SPART: variants seen among roughly 807,000 people sequenced by gnomAD.
SPART encodes the protein spartin.
SPART carries 35 observed loss-of-function variants against 58.7 expected under a neutral mutation model. The observed-to-expected ratio is 0.60, with a 90% CI of 0.46 to 0.79. SPART has a LOEUF of 0.79. Ranked by LOEUF, SPART falls within the 30% of genes least tolerant of loss-of-function variation. The pLI is 0.00. For missense variants in SPART, 730 were observed against 786.1 expected, an observed-to-expected ratio of 0.93 and a Z score of 0.85; for synonymous variants, 284 against 280.7, an observed-to-expected ratio of 1.01 and a Z score of -0.12.
intron 1 of SPART, among the ~76,000 whole-genome samples, chr13:36,342,682 G>A (rs1162238051): frequency 1.3e-5 from 2 of 152,020 alleles, no homozygotes; most frequent in African/African-American, 2.4e-5. Context: ...CAGCAAAATC[G>A]TCCCCCACTG....
At chr13:36,327,894 TGA>T (rs1396894057) in intron 4 of SPART, among the ~76,000 whole-genome samples, 1 of 152,150 alleles carries the variant, frequency 6.6e-6, no homozygotes, top group Non-Finnish European at 1.5e-5. Context: ...CTCGGGAGGT[TGA>T]GACACGAGAA....
rs117440276 is a variant in SPART, at chr13:36,366,792, C to T, written c.-3+3297G>A. ...AAAACCACCCTACGTGTATCTGTGT[C>T]GTTTTATTTAAACCGGCATGAGGAC... On this transcript the variant is annotated intron_variant, in intron 1 of 8. Transcript: ENST00000355182. Among the ~76,000 whole-genome samples the T allele has an allele frequency of 0.028, 2,189 of 78,666 alleles. 52 individuals carry two copies. The East Asian group carries it at 0.31, about 11-fold the overall frequency. The allele number at this position is 78,666 out of a possible 152,430, so 51.6% of individuals were successfully genotyped here. A position where few individuals can be genotyped will look rare whatever the true frequency, so the allele number is the denominator to read the frequency against.
intron 5 of SPART, among the ~76,000 whole-genome samples, chr13:36,322,401 A>T (rs972187100): frequency 6.6e-6 from 1 of 152,116 alleles, no homozygotes; most frequent in African/African-American, 2.4e-5. Flanking sequence ...GAGCTGAGAT[A>T]GCGTCACTGC....
At chr13:36,307,234 T>TA (rs1372009841) in intron 8 of SPART, among the ~76,000 whole-genome samples, 2 of 152,020 alleles carry the variant, frequency 1.3e-5, no homozygotes, top group African/African-American at 4.8e-5. Flanking sequence ...TGAAAAATAA[T>TA]AAAAAATGAA....
At chr13:36,319,022 G>T (rs901472867) in intron 5 of SPART, among the ~76,000 whole-genome samples, 1 of 151,782 alleles carries the variant, frequency 6.6e-6, no homozygotes, top group Admixed American at 6.6e-5. Context: ...TAATCAATAC[G>T]GAGGCTACCC....
rs185082548 is a variant in SPART, at chr13:36,318,404, C to T, written c.1289-3983G>A. Among the ~76,000 whole-genome samples the T allele has an allele frequency of 9.5e-3, 1,449 of 152,292 alleles. 9 individuals are homozygous for T. The highest frequency in any genetic ancestry group is 0.016 in the Non-Finnish European group (1,121 of 68,022). The stretch of plus-strand genomic sequence containing the variant: ...GCCCAGTTCATGACTTGTTTGGCAA[C>T]AACCCTGAGACACTTTACAGCCCTA... On this transcript the variant is annotated intron_variant, in intron 5 of 8. Transcript: ENST00000438666.
intron 1 of SPART, among the ~76,000 whole-genome samples, chr13:36,369,057 A>G (rs1273482762): frequency 1.3e-5 from 2 of 152,194 alleles, no homozygotes; most frequent in Non-Finnish European, 2.9e-5. Context: ...AAATAATGCT[A>G]TTTTTCTCAA....
chr13:36,314,502 A>G (rs535981386), intron 5 of SPART, 81 bp from the exon 6 acceptor site: 1,149 of 1,361,744 alleles, frequency 8.4e-4, no homozygotes, highest in Non-Finnish European at 1.1e-3. Context: ...CATCAACCAG[A>G]AAAAAATAAA....
In SPART at chr13:36,301,926, T is replaced by C. The variant is rs1253719163; in HGVS notation, c.*2439A>G. On this transcript the variant is annotated 3_prime_UTR_variant, in exon 9 of 9. Coordinates refer to ENST00000438666, the MANE Select transcript of SPART (RefSeq NM_015087.5). ...TGTGGTATACTCACACAGAATACTA[T>C]AGAGCAAGTAAACCATCCATGCATA... 4 of 152,130 alleles carry C rather than the reference T, an allele frequency of 2.6e-5. No homozygotes were observed. Among genetic ancestry groups the C allele is most frequent in the East Asian group, 3.9e-4 (2 of 5,192 alleles). The allele number at this position is 152,130 out of a possible 1,614,324, so 9.4% of individuals were successfully genotyped here.
At position 36,302,194 on chromosome 13, in the gene SPART, A is replaced by G. The variant is rs1880052651; in HGVS notation, c.*2171T>C. On this transcript the variant is annotated 3_prime_UTR_variant, in exon 9 of 9. Coordinates refer to ENST00000438666, the MANE Select transcript of SPART (RefSeq NM_015087.5). The stretch of plus-strand genomic sequence containing the variant: ...TGTCTTTAGGTGTGATGAGTTTTTA[A>G]GTGTTGTTATTCATCATACCTTACA... 1.3e-5 allele frequency: 2 copies of G among 152,202 alleles called. No individual in the cohort carries two copies. The allele number at this position is 152,202 out of a possible 1,614,324, so 9.4% of individuals were successfully genotyped here.
At chr13:36,318,608 C>T (rs1881998293) in intron 5 of SPART, among the ~76,000 whole-genome samples, 1 of 152,202 alleles carries the variant, frequency 6.6e-6, no homozygotes, top group African/African-American at 2.4e-5. Context: ...TCCTTGCCTC[C>T]ACTGTGAGAC....
At chr13:36,313,895 C>A in intron 6 of SPART, 1 of 322,962 alleles carries the variant, frequency 3.1e-6, no homozygotes, top group South Asian at 3.6e-5. Context: ...AAGATACACA[C>A]ATTCTCCTCT....
At chr13:36,362,566 A>G (rs1368741272) in intron 1 of SPART, among the ~76,000 whole-genome samples, 1 of 152,124 alleles carries the variant, frequency 6.6e-6, no homozygotes, top group Admixed American at 6.5e-5. Context: ...TGCTCTCAGG[A>G]TGCAGAATCC....
At chr13:36,353,373 C>T (rs2137697423) in intron 1 of SPART, among the ~76,000 whole-genome samples, 1 of 152,304 alleles carries the variant, frequency 6.6e-6, no homozygotes, top group Admixed American at 6.5e-5. Context: ...ATTAGATTTT[C>T]TATGAGAGGT....
At position 36,324,796 on chromosome 13, in the gene SPART, A is replaced by C. The variant is rs536024082; in HGVS notation, c.1288+1779T>G. ...GAAAAGAGAGTCAGCGAAGGGAGAT[A>C]AGGGTGGGGCCGTTTTATAGGATTT... On this transcript the variant is annotated intron_variant, in intron 5 of 8. Coordinates refer to ENST00000438666, the MANE Select transcript of SPART (RefSeq NM_015087.5). 2.6e-5 allele frequency among the ~76,000 whole-genome samples: 4 copies of C among 152,188 alleles called. No homozygotes were observed. The South Asian group carries it at 6.2e-4, about 24-fold the overall frequency.
At position 36,312,339 on chromosome 13, in the gene SPART, A is replaced by G. The variant is rs1881213459; in HGVS notation, c.1622T>C (p.Val541Ala). The G allele has an allele frequency of 1.2e-6, 2 of 1,614,012 alleles. No individual in the cohort carries two copies. Among genetic ancestry groups the G allele is most frequent in the South Asian group, 2.2e-5 (2 of 91,084 alleles). ...GTTACCTTGAACACTACTTGCTGCTACAACCATAGCACCATCCAGAGGAGA... is the reference window on the plus strand; with the variant it reads ...GTTACCTTGAACACTACTTGCTGCTGCAACCATAGCACCATCCAGAGGAGA... ...GKSPLDGAMV[V>A]AASSVQGFST... is the part of the protein sequence containing the mutation. The change falls in exon 7 of 9, where the codon GTA (valine) becomes GCA (alanine). Residue 541 changes from valine to alanine, a missense_variant. Coordinates refer to ENST00000438666, the MANE Select transcript of SPART (RefSeq NM_015087.5).
intron 5 of SPART, among the ~76,000 whole-genome samples, chr13:36,320,228 C>T (rs141189277): frequency 3.2e-4 from 49 of 152,284 alleles, no homozygotes; most frequent in African/African-American, 7.7e-4. Flanking sequence ...TGCTTCCCGG[C>T]GCCTTCAGCT....
Position 36,335,602 on chromosome 13 carries a change from T to C in SPART, c.229A>G (p.Met77Val), listed in dbSNP as rs764222685. The change falls in exon 2 of 9, where the codon ATG (methionine) becomes GTG (valine). Residue 77 changes from methionine (M) to valine (V), a missense_variant. By Grantham distance (21) the Met-to-Val change is conservative. Coordinates refer to ENST00000438666, the MANE Select transcript of SPART (RefSeq NM_015087.5). ...TGPGWESARQ[M>V]QQKMKETLQN... ...AGAGTTTCTTTCATTTTCTGTTGCA[T>C]CTGTCTAGCAGATTCCCACCCAGGA... 3 of 1,613,556 alleles carry C rather than the reference T, an allele frequency of 1.9e-6. No individual in the cohort carries two copies. Among genetic ancestry groups the C allele is most frequent in the South Asian group, 2.2e-5 (2 of 91,008 alleles).
chr13:36,306,433 T>A (rs1375277639), intron 8 of SPART, among the ~76,000 whole-genome samples: 1 of 152,018 alleles, frequency 6.6e-6, no homozygotes, highest in Non-Finnish European at 1.5e-5. Flanking sequence ...GAGGGCTTAT[T>A]TTTCCAGAAC....
Sources: allele counts gnomAD v4.1 joint callset (sites outside exome capture counted in the v4.1 genomes callset), GRCh38; gene constraint gnomAD v4.1.1; transcripts MANE v1.5; gene names NCBI Gene and HGNC (gene_info 2026-07-23, HGNC 2026-07-21).